The following GRIK2 variants were observed in gnomAD, a reference collection of about 807,000 sequenced individuals.
GRIK2 encodes the protein glutamate ionotropic receptor kainate type subunit 2.
A neutral mutation model predicts 100.3 loss-of-function variants in GRIK2; 32 were observed. The ratio of observed to expected loss-of-function variants is 0.32; its 90% confidence interval spans 0.24 to 0.43. GRIK2 has a LOEUF of 0.43. GRIK2 is among the 20% of genes least tolerant of loss of function. GRIK2 has a pLI of 1.00. For synonymous variants in GRIK2, 417 were observed against 389.4 expected (o/e 1.07, Z -0.83); for missense variants, 843 against 1,114.9 (o/e 0.76, Z 3.47).
intron 7 of GRIK2, among the ~76,000 whole-genome samples, chr6:101,703,063 G>C (rs1021224924): frequency 5.9e-5 from 9 of 151,886 alleles, no homozygotes; most frequent in Non-Finnish European, 1.3e-4. Context: ...CACATTAATA[G>C]GCATTCAATC....
intron 4 of GRIK2, among the ~76,000 whole-genome samples, chr6:101,640,113 C>T (rs1781217408): frequency 6.6e-6 from 1 of 152,102 alleles, no homozygotes. Flanking sequence ...TAACTCAAAG[C>T]ACTTGTTTTT....
chr6:101,788,256 T>A (rs1779572855), intron 7 of GRIK2, among the ~76,000 whole-genome samples: 1 of 151,748 alleles, frequency 6.6e-6, no homozygotes. Context: ...ATGTGCACAA[T>A]GTGCAGGTTA....
intron 14 of GRIK2, among the ~76,000 whole-genome samples, chr6:102,018,498 C>T (rs988040959): frequency 6.6e-6 from 1 of 152,062 alleles, no homozygotes; most frequent in African/African-American, 2.4e-5. Flanking sequence ...TGACTGGGTT[C>T]CCCTAGAGTT....
chr6:101,584,108 G>T lies in GRIK2; in HGVS notation c.116-37841G>T, dbSNP rs535189337. Reference sequence around the variant, plus strand: ...ACTATTTTAATATTTTTCTGTTAAAGAAAAAATATGATTATAACATTTTGA... The same window carrying T: ...ACTATTTTAATATTTTTCTGTTAAATAAAAAATATGATTATAACATTTTGA... On this transcript the variant is annotated intron_variant, in intron 2 of 16. Coordinates refer to ENST00000369134, the MANE Select transcript of GRIK2 (RefSeq NM_021956.5). Among the ~76,000 whole-genome samples, 18 of 152,016 alleles carry T rather than the reference G, an allele frequency of 1.2e-4. No homozygotes were observed. The East Asian group carries it at 3.3e-3, about 28-fold the overall frequency.
chr6:101,470,958 C>T (rs902746787), intron 2 of GRIK2, among the ~76,000 whole-genome samples: 5 of 152,100 alleles, frequency 3.3e-5, no homozygotes, highest in Non-Finnish European at 7.4e-5. Flanking sequence ...CATTTGAGGA[C>T]AAGTATTAAG....
intron 2 of GRIK2, among the ~76,000 whole-genome samples, chr6:101,587,674 T>C (rs1460854304): frequency 6.6e-6 from 1 of 152,136 alleles, no homozygotes; most frequent in Admixed American, 6.6e-5. Flanking sequence ...GAACAACAGG[T>C]ATTAGAAAGC....
chr6:101,863,114 T>C (rs1013100165), intron 11 of GRIK2, among the ~76,000 whole-genome samples: 2 of 152,202 alleles, frequency 1.3e-5, no homozygotes, highest in Non-Finnish European at 2.9e-5. Flanking sequence ...TCACCGCCCA[T>C]GTAGCTCATA....
At chr6:101,818,977 A>C (rs1031657968) in intron 10 of GRIK2, among the ~76,000 whole-genome samples, 5 of 152,108 alleles carry the variant, frequency 3.3e-5, no homozygotes, top group African/African-American at 1.2e-4. Context: ...TTACTTTATG[A>C]ATTTCCCTAA....
intron 7 of GRIK2, among the ~76,000 whole-genome samples, chr6:101,791,759 C>T (rs1779877894): frequency 6.6e-6 from 1 of 151,780 alleles, no homozygotes; most frequent in African/African-American, 2.4e-5. Flanking sequence ...TCCTGGGTAT[C>T]CTTGTTAACT....
At chr6:101,916,239 A>T (rs1789095620) in intron 12 of GRIK2, among the ~76,000 whole-genome samples, 1 of 151,496 alleles carries the variant, frequency 6.6e-6, no homozygotes. Context: ...TTATTCCATA[A>T]TATTTTTAAT....
At chr6:101,725,883 A>T (rs1372491250) in intron 7 of GRIK2, among the ~76,000 whole-genome samples, 2 of 152,042 alleles carry the variant, frequency 1.3e-5, no homozygotes, top group Non-Finnish European at 2.9e-5. Context: ...TATTCCATAC[A>T]TCCTTAAAGA....
At chr6:101,484,763 G>T (rs1282663364) in intron 2 of GRIK2, among the ~76,000 whole-genome samples, 1 of 151,842 alleles carries the variant, frequency 6.6e-6, no homozygotes, top group Admixed American at 6.6e-5. Flanking sequence ...AACATAGAAA[G>T]CCTACTAGAT....
At chr6:101,788,780 C>T (rs529108547) in intron 7 of GRIK2, among the ~76,000 whole-genome samples, 88 of 152,220 alleles carry the variant, frequency 5.8e-4, no homozygotes, top group Admixed American at 1.1e-3. Context: ...CCTGAGGAAT[C>T]GCCACACTGA....
intron 11 of GRIK2, among the ~76,000 whole-genome samples, chr6:101,879,506 C>T (rs979363668): frequency 2.0e-5 from 3 of 151,962 alleles, no homozygotes; most frequent in African/African-American, 7.2e-5. Context: ...TTACGGAAGA[C>T]TCATCCATTA....
intron 14 of GRIK2, among the ~76,000 whole-genome samples, chr6:101,988,592 G>C (rs892231145): frequency 1.3e-5 from 2 of 151,798 alleles, no homozygotes; most frequent in Non-Finnish European, 2.9e-5. Flanking sequence ...GTTAATAAAA[G>C]TGCTTGCCTC....
chr6:101,792,954 C>A (rs1481384239), intron 7 of GRIK2, among the ~76,000 whole-genome samples: 4 of 152,084 alleles, frequency 2.6e-5, no homozygotes, highest in Non-Finnish European at 5.9e-5. Context: ...TCATTTCATT[C>A]ATTTCATCTT....
intron 5 of GRIK2, among the ~76,000 whole-genome samples, chr6:101,678,490 A>G (rs903493046): frequency 1.3e-5 from 2 of 152,176 alleles, no homozygotes; most frequent in Non-Finnish European, 1.5e-5. Flanking sequence ...ATTATTATAC[A>G]GTATGCATCC....
At chr6:101,796,377 G>T (rs938154111) in intron 7 of GRIK2, among the ~76,000 whole-genome samples, 1 of 152,160 alleles carries the variant, frequency 6.6e-6, no homozygotes, top group Non-Finnish European at 1.5e-5. Context: ...ATTTTTGTGA[G>T]CATTCTTGTG....
intron 1 of GRIK2, among the ~76,000 whole-genome samples, chr6:101,396,548 G>T (rs1775017924): frequency 6.6e-6 from 1 of 152,010 alleles, no homozygotes; most frequent in South Asian, 2.1e-4. Context: ...TACATCTTGG[G>T]CTTATCAAGC....
Sources: allele counts gnomAD v4.1 joint callset (sites outside exome capture counted in the v4.1 genomes callset), GRCh38; gene constraint gnomAD v4.1.1; transcripts MANE v1.5; gene names NCBI Gene and HGNC (gene_info 2026-07-23, HGNC 2026-07-21).